SRPRA: variants seen among roughly 807,000 people sequenced by gnomAD.
SRPRA encodes SRP receptor subunit alpha.
A neutral mutation model predicts 61.1 loss-of-function variants in SRPRA; 30 were observed. That is an observed-to-expected ratio of 0.49 (90% CI 0.37 to 0.67). The LOEUF (loss-of-function observed/expected upper bound fraction) is 0.67. Ranked by LOEUF, SRPRA falls within the 30% of genes least tolerant of loss-of-function variation. The pLI is 0.00. For synonymous variants in SRPRA, 324 were observed against 299.7 expected (o/e 1.08, Z -0.84); for missense variants, 759 against 828.4 (o/e 0.92, Z 1.03).
Position 126,263,915 on chromosome 11 carries a change from G to A in SRPRA, c.*1C>T, listed in dbSNP as rs756927601. The A allele has an allele frequency of 2.0e-5, 33 of 1,613,924 alleles. No individual in the cohort carries two copies. The highest frequency in any genetic ancestry group is 4.5e-5 in the East Asian group (2 of 44,902). On this transcript the variant is annotated 3_prime_UTR_variant, in exon 14 of 14. Coordinates refer to ENST00000332118, the MANE Select transcript of SRPRA (RefSeq NM_003139.4). ...CGATTTGGTATTGGGCAAGAGCCAC[G>A]TTAAGCCTTCATGAGGGCAGCCACC... is the stretch of plus-strand genomic sequence containing the variant.
the SRPRA span, among the ~76,000 whole-genome samples, chr11:126,237,218 T>A: frequency 7.1e-5 from 7 of 98,656 alleles, no homozygotes; most frequent in African/African-American, 2.7e-4. Flanking sequence ...GCCTGGCCTT[T>A]TTTTTTTTTT....
downstream of SRPRA, among the ~76,000 whole-genome samples, chr11:126,258,739 T>A (rs1950621450): frequency 6.6e-6 from 1 of 152,254 alleles, no homozygotes; most frequent in African/African-American, 2.4e-5. Flanking sequence ...ATATCCAAGT[T>A]CTACATATTT....
the SRPRA span, among the ~76,000 whole-genome samples, chr11:126,254,993 T>C: frequency 6.6e-6 from 1 of 152,244 alleles, no homozygotes; most frequent in Non-Finnish European, 1.5e-5. Flanking sequence ...ATTGGCATCA[T>C]CTTCACATAC....
chr11:126,252,000 TTTTGA>T, the SRPRA span, among the ~76,000 whole-genome samples: 3 of 151,594 alleles, frequency 2.0e-5, no homozygotes, highest in African/African-American at 7.3e-5. Flanking sequence ...TTTTGTTTTG[TTTTGA>T]GATGGAGTTT....
chr11:126,266,321 GTC>G (rs1484544943), intron 6 of SRPRA, 43 bp from the exon 7 acceptor site: 15 of 1,607,222 alleles, frequency 9.3e-6, no homozygotes, highest in Non-Finnish European at 1.3e-5. Flanking sequence ...GAACACTAAG[GTC>G]TCTGAGGAAA....
the SRPRA span, among the ~76,000 whole-genome samples, chr11:126,238,331 C>CA: frequency 1.4e-4 from 20 of 146,872 alleles, no homozygotes; most frequent in African/African-American, 2.3e-4. Flanking sequence ...GATTCCATCT[C>CA]AAAAAAAAAA....
rs778776030 is a variant in SRPRA, at chr11:126,264,298, A to G, written c.1690-9T>C. 15 of 1,613,382 alleles carry G rather than the reference A, an allele frequency of 9.3e-6. 1 individual carries two copies. Among genetic ancestry groups the G allele is most frequent in the Non-Finnish European group, 1.3e-5 (15 of 1,179,662 alleles). ...GCTCTGTTGAACTTGACCTGGAAAG[A>G]AAAAGTGATAGAAGTGTAAGAACCA... is the stretch of plus-strand genomic sequence containing the variant. On this transcript the variant is annotated splice_polypyrimidine_tract_variant and intron_variant, in intron 12 of 13. Coordinates refer to ENST00000332118, the MANE Select transcript of SRPRA (RefSeq NM_003139.4). This position sits in a 1 kb window ranked among gnomAD's most constrained non-coding sequence, Gnocchi z 5.0.
At position 126,266,596 on chromosome 11, in the gene SRPRA, C is replaced by T. The variant is rs746886941; in HGVS notation, c.720G>A (p.Lys240=). The T allele has an allele frequency of 1.9e-6, 3 of 1,614,078 alleles. No homozygotes were observed. Among genetic ancestry groups the T allele is most frequent in the Non-Finnish European group, 2.5e-6 (3 of 1,179,976 alleles). Residue 240 remains lysine, a synonymous_variant, in exon 6 of 14, where the codon AAG becomes AAA. Coordinates refer to ENST00000332118, the MANE Select transcript of SRPRA (RefSeq NM_003139.4). ...CCCACACCCGGGGTGCTTTTTTGCCCTTCTCCTTTGGAGCATCTGACTTCG... is the reference window on the plus strand; with the variant it reads ...CCCACACCCGGGGTGCTTTTTTGCCTTTCTCCTTTGGAGCATCTGACTTCG... ...KSTKSDAPKE[K]GKKAPRVWEL...
At chr11:126,253,963 A>G in the SRPRA span, among the ~76,000 whole-genome samples, 85,530 of 152,040 alleles carry the variant, frequency 0.56, 24,486 homozygotes, top group East Asian at 0.81. The surrounding 1 kb of genome is among the most constrained non-coding windows in gnomAD (Gnocchi z 5.1). Context: ...GGGCCTGGAT[A>G]CAGAGGCTTG....
the SRPRA span, chr11:126,241,059 A>C: frequency 6.4e-7 from 1 of 1,555,696 alleles, no homozygotes; most frequent in Non-Finnish European, 8.7e-7. Context: ...GTACCCTAGT[A>C]TGTGCCACAG....
Position 126,267,906 on chromosome 11 carries a change from T to G in SRPRA, c.201+97A>C, listed in dbSNP as rs1336106869. The G allele has an allele frequency of 3.5e-6, 5 of 1,445,712 alleles. No homozygotes were observed. The highest frequency in any genetic ancestry group is 1.4e-5 in the African/African-American group (1 of 71,310). The allele number at this position is 1,445,712 out of a possible 1,614,324, so 89.6% of individuals were successfully genotyped here. A position where few individuals can be genotyped will look rare whatever the true frequency, so the allele number is the denominator to read the frequency against. On this transcript the variant is annotated intron_variant, in intron 2 of 13. Coordinates refer to ENST00000332118, the MANE Select transcript of SRPRA (RefSeq NM_003139.4). The surrounding 1 kb of genome is among the most constrained non-coding windows in gnomAD (Gnocchi z 4.2). ...CATCTACCTTTCTAGTTTTTTCAGT[T>G]ACGTCATCATATACACTGGCTGCAA...
chr11:126,237,052 G>C, the SRPRA span, among the ~76,000 whole-genome samples: 2 of 149,202 alleles, frequency 1.3e-5, no homozygotes, highest in African/African-American at 4.9e-5. Context: ...GAGTAGCTGG[G>C]ACTACAGGCG....
rs1565347471 is a variant in SRPRA, at chr11:126,267,320, G to C, written c.381C>G (p.Ser127Arg). ...FLRLLREAEESSKIRAPTTMK... is the reference protein window; with the variant it reads ...FLRLLREAEERSKIRAPTTMK... ...TGGTAGTGGGAGCACGGATCTTACT[G>C]CTCTCCTCTGCTTCACTAAACAAAA... Residue 127 changes from serine to arginine, a missense_variant, in exon 4 of 14, where the codon AGC becomes AGG. Ser to Arg is a moderately radical substitution (Grantham distance 110, BLOSUM62 -1). Transcript: ENST00000332118. The surrounding 1 kb of genome is among the most constrained non-coding windows in gnomAD (Gnocchi z 4.2). The C allele has an allele frequency of 1.9e-6, 3 of 1,613,860 alleles. No individual in the cohort carries two copies. Among genetic ancestry groups the C allele is most frequent in the Non-Finnish European group, 2.5e-6 (3 of 1,179,972 alleles).
rs1950879839 is a variant in SRPRA at position 126,268,814 on chromosome 11, G to T, written c.-10C>A. Reference sequence around the variant, plus strand: ...TGAAGAAGTCGAGCATGGCGGCAGCGGCAGAGGAGCTGGGGCCGGCGCCGG... The same window carrying T: ...TGAAGAAGTCGAGCATGGCGGCAGCTGCAGAGGAGCTGGGGCCGGCGCCGG... On this transcript the variant is annotated 5_prime_UTR_variant, in exon 1 of 14. Coordinates refer to ENST00000332118, the MANE Select transcript of SRPRA (RefSeq NM_003139.4). 5.0e-6 allele frequency: 8 copies of T among 1,609,028 alleles called. No individual in the cohort carries two copies. Among genetic ancestry groups the T allele is most frequent in the Non-Finnish European group, 6.8e-6 (8 of 1,176,360 alleles).
chr11:126,262,084 A>T, downstream of SRPRA: 1 of 1,613,462 alleles, frequency 6.2e-7, no homozygotes, highest in African/African-American at 1.3e-5. Flanking sequence ...CTGTTTTGTG[A>T]AACTTCATTT....
the SRPRA span, chr11:126,254,156 C>T: frequency 3.0e-4 from 266 of 886,344 alleles, no homozygotes; most frequent in Non-Finnish European, 4.1e-4. Flanking sequence ...AAACTTAGAC[C>T]ACATCAGGTT....
the SRPRA span, among the ~76,000 whole-genome samples, chr11:126,240,072 A>G: frequency 6.6e-6 from 1 of 152,096 alleles, no homozygotes; most frequent in Non-Finnish European, 1.5e-5. Context: ...TAGTCTCCAG[A>G]ATGAAAGAGA....
chr11:126,266,526 G>T lies in SRPRA; in HGVS notation c.790C>A (p.Pro264Thr). 6.2e-7 allele frequency: 1 copy of T among 1,614,200 alleles called. No homozygotes were observed. The highest frequency in any genetic ancestry group is 1.1e-5 in the South Asian group (1 of 91,080). ...ANKEVLDYST[P>T]TTNGTPEAAL... ...GCCTCAGGGGTTCCATTGGTGGTGGGAGTACTGTAATCCAACACTTCTTTG... is the reference window on the plus strand; with the variant it reads ...GCCTCAGGGGTTCCATTGGTGGTGGTAGTACTGTAATCCAACACTTCTTTG... The change falls in exon 6 of 14, where the codon CCC (proline) becomes ACC (threonine). Residue 264 changes from proline to threonine, a missense_variant. Transcript: ENST00000332118.
downstream of SRPRA, chr11:126,261,577 T>G: frequency 9.8e-7 from 1 of 1,017,488 alleles, no homozygotes; most frequent in Non-Finnish European, 1.5e-6. Context: ...ACTTTGGACC[T>G]CACATTGCCA....
Sources: allele counts gnomAD v4.1 joint callset (sites outside exome capture counted in the v4.1 genomes callset), GRCh38; gene constraint gnomAD v4.1.1; non-coding constraint Gnocchi (gnomAD v3.1); transcripts MANE v1.5; gene names NCBI Gene and HGNC (gene_info 2026-07-23, HGNC 2026-07-21).